The following MAST4 variants were observed in gnomAD, a reference collection of about 807,000 sequenced individuals.
MAST4 encodes microtubule-associated serine/threonine-protein kinase 4.
In MAST4, 89 loss-of-function variants were observed where a neutral mutation model predicts 162.7. That is an observed-to-expected ratio of 0.55 (90% CI 0.46 to 0.65). The LOEUF is 0.65. Among genes scored for constraint, MAST4 ranks in the 30% least tolerant of loss-of-function variants. The probability of loss-of-function intolerance (pLI) is 0.00; values close to 1 mark genes in which losing one functional copy is unlikely to be tolerated. For synonymous variants in MAST4, 1,479 were observed against 1,361.1 expected, an observed-to-expected ratio of 1.09 and a Z score of -1.91; for missense variants, 3,153 against 3,374.0, an observed-to-expected ratio of 0.93 and a Z score of 1.62.
chr5:66,956,557 G>A (rs940567949), intron 4 of MAST4, among the ~76,000 whole-genome samples: 2 of 152,200 alleles, frequency 1.3e-5, no homozygotes, highest in African/African-American at 4.8e-5. Flanking sequence ...AGGGAATGCA[G>A]GGGATGTGCT....
chr5:66,884,464 T>C (rs1010348588), intron 3 of MAST4, among the ~76,000 whole-genome samples: 2 of 152,198 alleles, frequency 1.3e-5, no homozygotes, highest in African/African-American at 4.8e-5. Context: ...TAATTCATAT[T>C]GGACTGTCAT....
rs185206931 is a variant in MAST4, at chr5:67,100,389, G to T, written c.913-46G>T. ...TCGATCTCTCCTGTTCATTTGAAGA[G>T]TTTCTTTCTGAGGTAGTTATGTGAC... On this transcript the variant is annotated intron_variant, in intron 7 of 28. Coordinates refer to ENST00000403625, the MANE Select transcript of MAST4 (RefSeq NM_001164664.2). The T allele has an allele frequency of 1.9e-5, 31 of 1,604,560 alleles. No homozygotes were observed. In the East Asian group the frequency reaches 3.3e-4, roughly 17 times the overall value.
At chr5:66,850,885 T>G (rs1488570024) in intron 3 of MAST4, among the ~76,000 whole-genome samples, 1 of 151,488 alleles carries the variant, frequency 6.6e-6, no homozygotes, top group Non-Finnish European at 1.5e-5. Context: ...TGATTCAACT[T>G]AAATTGCACA....
At chr5:66,680,333 C>CACG (rs746535621) in intron 1 of MAST4, among the ~76,000 whole-genome samples, 1 of 152,156 alleles carries the variant, frequency 6.6e-6, no homozygotes. Flanking sequence ...AGGGAAGAGC[C>CACG]ACGCAGCAGT....
chr5:67,145,308 C>T lies in MAST4; in HGVS notation c.3023C>T (p.Pro1008Leu), dbSNP rs1770941251. 6.2e-7 allele frequency: 1 copy of T among 1,613,770 alleles called. No individual in the cohort carries two copies. Among genetic ancestry groups the T allele is most frequent in the Admixed American group, 1.7e-5 (1 of 60,006 alleles). Residue 1008 changes from proline to leucine, a missense_variant, in exon 23 of 29, where the codon CCT becomes CTT. Around this residue, in one of 7 missense-constraint regions of MAST4, gnomAD observed 619 missense variants for 744.2 expected, o/e 0.83. Coordinates refer to ENST00000403625, the MANE Select transcript of MAST4 (RefSeq NM_001164664.2). Reference protein sequence around the residue: ...HEEPGKPALPPEECAQEEPEV... With the variant: ...HEEPGKPALPLEECAQEEPEV... Reference sequence around the variant, plus strand: ...GAGCCAGGAAAGCCAGCCCTTCCTCCTGAAGAGTGTGCCCAGGAGGAGCCT... The same window carrying T: ...GAGCCAGGAAAGCCAGCCCTTCCTCTTGAAGAGTGTGCCCAGGAGGAGCCT...
At chr5:66,993,928 C>A (rs1301155873) in intron 4 of MAST4, among the ~76,000 whole-genome samples, 1 of 86,990 alleles carries the variant, frequency 1.1e-5, no homozygotes, top group African/African-American at 4.4e-5. Context: ...AGACCCCCCC[C>A]CCCACCCCAC....
At chr5:67,078,925 T>A (rs1333995367) in intron 5 of MAST4, among the ~76,000 whole-genome samples, 8 of 86,288 alleles carry the variant, frequency 9.3e-5, no homozygotes, top group African/African-American at 1.8e-4. Flanking sequence ...TATATATATA[T>A]ATATATATAT....
At chr5:66,611,197 A>G (rs1743267295) in intron 1 of MAST4, among the ~76,000 whole-genome samples, 1 of 152,130 alleles carries the variant, frequency 6.6e-6, no homozygotes, top group African/African-American at 2.4e-5. Flanking sequence ...AAATTCTCTC[A>G]TGGTTTTTCT....
rs576227119 is a variant in MAST4 at position 67,167,597 on chromosome 5, A to G, written c.*546A>G. 1.3e-5 allele frequency: 2 copies of G among 152,354 alleles called. No homozygotes were observed. Among genetic ancestry groups the G allele is most frequent in the Admixed American group, 6.5e-5 (1 of 15,308 alleles). 9.4% of individuals were successfully genotyped at this position (152,354 alleles called of 1,614,324 possible). A position where few individuals can be genotyped will look rare whatever the true frequency, so the allele number is the denominator to read the frequency against. ...CCATTTTTATAAGCTAAAACATTCT[A>G]AGTTAAGATGGAAGAAAGCCCTAAA... On this transcript the variant is annotated 3_prime_UTR_variant, in exon 29 of 29. Transcript: ENST00000403625.
At chr5:67,103,511 GGGGA>G (rs1291416156) in intron 9 of MAST4, among the ~76,000 whole-genome samples, 14 of 152,202 alleles carry the variant, frequency 9.2e-5, no homozygotes, top group Non-Finnish European at 1.8e-4. Flanking sequence ...GGATATTAGA[GGGGA>G]GGAGGAGGGA....
intron 19 of MAST4, among the ~76,000 whole-genome samples, chr5:67,139,448 T>A (rs1489533387): frequency 1.3e-5 from 2 of 152,186 alleles, no homozygotes; most frequent in East Asian, 3.9e-4. Flanking sequence ...TTTGAACTTG[T>A]AGAATATTGA....
intron 3 of MAST4, among the ~76,000 whole-genome samples, chr5:66,838,824 A>G (rs973832564): frequency 1.3e-5 from 2 of 152,164 alleles, no homozygotes; most frequent in African/African-American, 4.8e-5. Flanking sequence ...GGAAGCAGGA[A>G]GTGTTTAGCA....
At chr5:67,068,813 A>T (rs1760554274) in intron 5 of MAST4, among the ~76,000 whole-genome samples, 1 of 152,186 alleles carries the variant, frequency 6.6e-6, no homozygotes, top group South Asian at 2.1e-4. Flanking sequence ...TGGTACATTA[A>T]AATAGTAGTC....
intron 26 of MAST4, among the ~76,000 whole-genome samples, chr5:67,154,007 A>G (rs1163099294): frequency 6.6e-6 from 1 of 152,230 alleles, no homozygotes; most frequent in Non-Finnish European, 1.5e-5. Flanking sequence ...TTTGAAAGAT[A>G]AAATTGTAAA....
At chr5:66,873,500 A>G (rs1392772809) in intron 3 of MAST4, among the ~76,000 whole-genome samples, 3 of 152,330 alleles carry the variant, frequency 2.0e-5, no homozygotes, top group South Asian at 2.1e-4. Context: ...TTTTGAGAAC[A>G]CTGATTTTAT....
At chr5:66,654,067 G>C (rs915122470) in intron 1 of MAST4, among the ~76,000 whole-genome samples, 1 of 152,142 alleles carries the variant, frequency 6.6e-6, no homozygotes, top group African/African-American at 2.4e-5. Context: ...TGCCCTCATC[G>C]TGCTTACAGA....
intron 1 of MAST4, among the ~76,000 whole-genome samples, chr5:66,757,407 C>T (rs1017360454): frequency 6.6e-6 from 1 of 152,286 alleles, no homozygotes; most frequent in Non-Finnish European, 1.5e-5. Context: ...TGTTCAATGT[C>T]TATGGCACAT....
intron 4 of MAST4, among the ~76,000 whole-genome samples, chr5:66,911,154 A>G (rs1413015985): frequency 6.6e-6 from 1 of 152,196 alleles, no homozygotes; most frequent in Non-Finnish European, 1.5e-5. Context: ...TGGAAATGCC[A>G]GTAACTGCAT....
At chr5:66,637,241 C>CTTT (rs11397237) in intron 1 of MAST4, among the ~76,000 whole-genome samples, 199 of 145,696 alleles carry the variant, frequency 1.4e-3, no homozygotes, top group African/African-American at 4.6e-3. Flanking sequence ...TATTTCCATT[C>CTTT]TTTTTTTTTT....
Sources: allele counts gnomAD v4.1 joint callset (sites outside exome capture counted in the v4.1 genomes callset), GRCh38; gene constraint gnomAD v4.1.1; regional missense constraint gnomAD v4.1.1; transcripts MANE v1.5; gene names NCBI Gene and HGNC (gene_info 2026-07-23, HGNC 2026-07-21).